Variants in CXXC4 observed in about 807,000 individuals in gnomAD.
CXXC4 encodes CXXC-type zinc finger protein 4.
In CXXC4, 5 loss-of-function variants were observed where a neutral mutation model predicts 20.5. The observed-to-expected ratio is 0.24, with a 90% CI of 0.13 to 0.51. The LOEUF (loss-of-function observed/expected upper bound fraction) is 0.51. CXXC4 is among the 20% of genes least tolerant of loss of function. The probability of loss-of-function intolerance (pLI) is 0.97; values close to 1 mark genes in which losing one functional copy is unlikely to be tolerated. For missense variants in CXXC4, 419 were observed against 496.4 expected, an observed-to-expected ratio of 0.84 and a Z score of 1.48; for synonymous variants, 250 against 216.4, an observed-to-expected ratio of 1.16 and a Z score of -1.36.
At chr4:104,488,571 T>C (rs1180138815) in intron 2 of CXXC4, among the ~76,000 whole-genome samples, 1 of 152,230 alleles carries the variant, frequency 6.6e-6, no homozygotes, top group East Asian at 1.9e-4. Flanking sequence ...GAAGATCAGC[T>C]TGAGAGTTCA....
chr4:104,472,758 G>C (rs977060978), intron 2 of CXXC4, among the ~76,000 whole-genome samples: 1 of 151,884 alleles, frequency 6.6e-6, no homozygotes, highest in East Asian at 1.9e-4. Context: ...TCATCTTACC[G>C]TCAGGATAAC....
intron 2 of CXXC4, among the ~76,000 whole-genome samples, chr4:104,487,251 G>C (rs147751411): frequency 0.017 from 2,608 of 152,260 alleles, 42 homozygotes; most frequent in Middle Eastern, 0.054. Context: ...AGAGAGCCAA[G>C]AGTGGGGGAA....
chr4:104,491,746 G>C lies in CXXC4; in HGVS notation c.57C>G (p.Pro19=). Residue 19 remains proline, a synonymous_variant, in exon 2 of 3, where the codon CCC becomes CCG. Coordinates refer to ENST00000394767, the MANE Select transcript of CXXC4 (RefSeq NM_025212.4). ...CCCCCTCGGGCAAGTGGCTTTCCTT[G>C]GGCAAGCCCGGGGCCTCCGGGCTCG... The part of the protein sequence containing the change: ...PGPSPEAPGL[P]KESHLPEGAL... 6.5e-7 allele frequency: 1 copy of C among 1,538,626 alleles called. No individual in the cohort carries two copies. The highest frequency in any genetic ancestry group is 1.4e-5 in the African/African-American group (1 of 71,968).
intron 2 of CXXC4, among the ~76,000 whole-genome samples, chr4:104,485,415 ATAAATT>A (rs1416859297): frequency 6.6e-6 from 1 of 152,110 alleles, no homozygotes; most frequent in African/African-American, 2.4e-5. Flanking sequence ...TGGGAGTAAA[ATAAATT>A]TAAGAAATTA....
Position 104,491,498 on chromosome 4 carries a change from G to C in CXXC4, c.305C>G (p.Ala102Gly). The change falls in exon 2 of 3, where the codon GCC (alanine) becomes GGC (glycine). Residue 102 changes from alanine to glycine, a missense_variant. Physicochemically the swap from Ala to Gly is moderately conservative, Grantham distance 60 (BLOSUM62 0). Coordinates refer to ENST00000394767, the MANE Select transcript of CXXC4 (RefSeq NM_025212.4). Reference sequence around the variant, plus strand: ...GCCCCCGCCGCTGCCCCAGAGCATGGCGGTGGCGGCGGCGGCGGTGGCCGC... The same window carrying C: ...GCCCCCGCCGCTGCCCCAGAGCATGCCGGTGGCGGCGGCGGCGGTGGCCGC... ...DNAATAAAAT[A>G]MLWGSGGGGG... 8.0e-7 allele frequency: 1 copy of C among 1,243,432 alleles called. No homozygotes were observed. The highest frequency in any genetic ancestry group is 1.0e-6 in the Non-Finnish European group (1 of 959,856). The allele number at this position is 1,243,432 out of a possible 1,614,324, so 77.0% of individuals were successfully genotyped here.
At position 104,490,849 on chromosome 4, in the gene CXXC4, G is replaced by T. The variant is rs1736828010; in HGVS notation, c.954C>A (p.Ile318=). The T allele has an allele frequency of 8.7e-6, 14 of 1,614,194 alleles. No individual in the cohort carries two copies. Among genetic ancestry groups the T allele is most frequent in the Non-Finnish European group, 1.2e-5 (14 of 1,180,032 alleles). ...CGVCVPCKRL[I]NCGVCSSCRN... is the part of the protein sequence containing the mutation. ...TGCAACTGCTGCAGACGCCACAGTTGATGAGCCTCTTGCAGGGCACGCAGA... is the reference window on the plus strand; with the variant it reads ...TGCAACTGCTGCAGACGCCACAGTTTATGAGCCTCTTGCAGGGCACGCAGA... Residue 318 remains isoleucine (I), a synonymous_variant, in exon 2 of 3, where the codon ATC becomes ATA. Transcript: ENST00000394767.
At chr4:104,474,457 C>A (rs1457880436) in intron 2 of CXXC4, among the ~76,000 whole-genome samples, 1 of 151,878 alleles carries the variant, frequency 6.6e-6, no homozygotes, top group Non-Finnish European at 1.5e-5. Flanking sequence ...ATGCTTTATA[C>A]ACACACAAAA....
chr4:104,473,330 T>A (rs921028608), intron 2 of CXXC4, among the ~76,000 whole-genome samples: 47 of 151,962 alleles, frequency 3.1e-4, no homozygotes, highest in African/African-American at 1.0e-3. Context: ...ACTACCCTAT[T>A]GAATTGTAAA....
At chr4:104,479,290 C>T (rs1736496628) in intron 2 of CXXC4, among the ~76,000 whole-genome samples, 1 of 152,082 alleles carries the variant, frequency 6.6e-6, no homozygotes, top group Non-Finnish European at 1.5e-5. Flanking sequence ...TGATGTTTAA[C>T]CTGACTATCA....
intron 2 of CXXC4, among the ~76,000 whole-genome samples, chr4:104,477,761 A>G (rs753092714): frequency 6.4e-4 from 98 of 151,978 alleles, no homozygotes; most frequent in Admixed American, 4.6e-3. Context: ...ATAAGTATAT[A>G]CTTGTTTCCA....
intron 2 of CXXC4, among the ~76,000 whole-genome samples, chr4:104,489,928 A>G (rs1480366365): frequency 6.6e-6 from 1 of 152,200 alleles, no homozygotes; most frequent in Admixed American, 6.5e-5. Flanking sequence ...TAACCACAAA[A>G]TGGTTACTTT....
intron 2 of CXXC4, among the ~76,000 whole-genome samples, chr4:104,486,714 T>C (rs1560542539): frequency 6.6e-6 from 1 of 152,180 alleles, no homozygotes; most frequent in Admixed American, 6.5e-5. Flanking sequence ...ATTTTATCCA[T>C]AGATTTTTTT....
rs1483282978 is a variant in CXXC4, at chr4:104,470,142, AAC to A, written c.*2178_*2179del. The A allele has an allele frequency of 8.8e-5, 13 of 146,910 alleles. 1 individual carries two copies. In the South Asian group the frequency reaches 2.6e-3, roughly 30 times the overall value. 9.1% of individuals were successfully genotyped at this position (146,910 alleles called of 1,614,324 possible). ...TTAATTAGCAAATTGGTAAACAAAA[AAC>A]AAAAAATAAAATAATGGAAAAGGAA... is the stretch of plus-strand genomic sequence containing the variant. On this transcript the variant is annotated 3_prime_UTR_variant, in exon 3 of 3. Coordinates refer to ENST00000394767, the MANE Select transcript of CXXC4 (RefSeq NM_025212.4).
At chr4:104,480,651 A>G (rs1400121186) in intron 2 of CXXC4, among the ~76,000 whole-genome samples, 1 of 151,854 alleles carries the variant, frequency 6.6e-6, no homozygotes, top group Admixed American at 6.6e-5. Context: ...GTTCTAGTGG[A>G]TCTAAACCCA....
chr4:104,491,505 C>T lies in CXXC4; in HGVS notation c.298G>A (p.Ala100Thr). 3.1e-6 allele frequency: 3 copies of T among 959,554 alleles called. No homozygotes were observed. The highest frequency in any genetic ancestry group is 1.8e-5 in the African/African-American group (1 of 55,226). 59.4% of individuals were successfully genotyped at this position (959,554 alleles called of 1,614,324 possible). The part of the protein sequence containing the change: ...NCDNAATAAA[A>T]TAMLWGSGGG... The stretch of plus-strand genomic sequence containing the variant: ...CCGCTGCCCCAGAGCATGGCGGTGG[C>T]GGCGGCGGCGGTGGCCGCGTTGTCG... The change falls in exon 2 of 3, where the codon GCC (alanine) becomes ACC (threonine). Residue 100 changes from alanine (A) to threonine (T), a missense_variant. By Grantham distance (58) the Ala-to-Thr change is moderately conservative. Transcript: ENST00000394767.
At chr4:104,478,665 T>C (rs1171627071) in intron 2 of CXXC4, among the ~76,000 whole-genome samples, 2 of 152,190 alleles carry the variant, frequency 1.3e-5, no homozygotes, top group African/African-American at 4.8e-5. Flanking sequence ...GGTTAAAATG[T>C]TCTTACCCAT....
intron 2 of CXXC4, among the ~76,000 whole-genome samples, chr4:104,483,606 G>A (rs1362363246): frequency 2.0e-5 from 3 of 151,222 alleles, no homozygotes; most frequent in South Asian, 2.1e-4. Context: ...ATATATTCTC[G>A]AATTTTCCAA....
At chr4:104,490,709 G>A in intron 2 of CXXC4, 35 bp downstream of exon 2, 1 of 1,548,686 alleles carries the variant, frequency 6.5e-7, no homozygotes, top group Non-Finnish European at 8.8e-7. Flanking sequence ...GAGGGAAGGG[G>A]GGAGACTGGG....
In CXXC4 at chr4:104,491,879, AGGT is replaced by A. The variant is rs1205228854; in HGVS notation, c.-80_-78del. The A allele has an allele frequency of 1.1e-5, 1 of 88,608 alleles. No individual in the cohort carries two copies. The highest frequency in any genetic ancestry group is 7.6e-4 in the East Asian group (1 of 1,310). 5.5% of individuals were successfully genotyped at this position (88,608 alleles called of 1,614,324 possible). On this transcript the variant is annotated 5_prime_UTR_variant, in exon 2 of 3. Transcript: ENST00000394767. ...CGACACCTGGGTGGAAAAGGGGGAA[AGGT>A]GGGGGGGAGGGAAGGGAGTGATGGT...
Sources: allele counts gnomAD v4.1 joint callset (sites outside exome capture counted in the v4.1 genomes callset), GRCh38; gene constraint gnomAD v4.1.1; transcripts MANE v1.5; gene names NCBI Gene and HGNC (gene_info 2026-07-23, HGNC 2026-07-21).